OR2L13: variants seen among roughly 807,000 people sequenced by gnomAD.
The protein encoded by OR2L13 is olfactory receptor family 2 subfamily L member 13, also known as olfactory receptor 2L13.
A neutral mutation model predicts 15.3 loss-of-function variants in OR2L13; 14 were observed. The observed-to-expected ratio is 0.91, with a 90% CI of 0.60 to 1.43. OR2L13 has a LOEUF of 1.43. Ranked by LOEUF, OR2L13 falls within the 40% of genes most tolerant of loss-of-function variation. The probability of loss-of-function intolerance (pLI) is 0.00; values close to 1 mark genes in which losing one functional copy is unlikely to be tolerated. For missense variants in OR2L13, 367 were observed against 387.9 expected, an observed-to-expected ratio of 0.95 and a Z score of 0.45; for synonymous variants, 152 against 142.9, an observed-to-expected ratio of 1.06 and a Z score of -0.45.
chr1:248,079,342 CA>C, the OR2L13 span, among the ~76,000 whole-genome samples: 1 of 151,690 alleles, frequency 6.6e-6, no homozygotes, highest in Non-Finnish European at 1.5e-5. Context: ...AATAATAAAG[CA>C]AAAAAGTTAT....
chr1:248,061,791 C>A, the OR2L13 span: 1 of 494,210 alleles, frequency 2.0e-6, no homozygotes, highest in Non-Finnish European at 3.4e-6. Context: ...GTATATATAA[C>A]TCCAAACAAC....
At chr1:248,069,809 G>C in the OR2L13 span, among the ~76,000 whole-genome samples, 4 of 151,992 alleles carry the variant, frequency 2.6e-5, no homozygotes, top group African/African-American at 9.7e-5. Flanking sequence ...AACAAAAAAA[G>C]GCAGGGGTTG....
chr1:248,016,039 A>G, the OR2L13 span, among the ~76,000 whole-genome samples: 1 of 152,208 alleles, frequency 6.6e-6, no homozygotes, highest in Non-Finnish European at 1.5e-5. Flanking sequence ...CCTGTGATTC[A>G]GCTATTCTTC....
the OR2L13 span, among the ~76,000 whole-genome samples, chr1:248,012,198 G>T: frequency 2.0e-5 from 3 of 152,118 alleles, no homozygotes; most frequent in African/African-American, 7.2e-5. Context: ...AGGGAGAACA[G>T]GGGTATTTCA....
At chr1:247,971,440 G>A in the OR2L13 span, among the ~76,000 whole-genome samples, 3 of 152,120 alleles carry the variant, frequency 2.0e-5, no homozygotes, top group African/African-American at 7.2e-5. Context: ...CAGCCAATTT[G>A]TTATAGTTTA....
At chr1:247,998,875 C>A in the OR2L13 span, among the ~76,000 whole-genome samples, 855 of 151,976 alleles carry the variant, frequency 5.6e-3, 12 homozygotes, top group African/African-American at 0.019. Flanking sequence ...GAAATATCTG[C>A]CTTAACAACC....
chr1:248,089,693 T>G, the OR2L13 span, among the ~76,000 whole-genome samples: 29 of 152,152 alleles, frequency 1.9e-4, no homozygotes, highest in Admixed American at 1.9e-3. Flanking sequence ...CCTGAGTTGT[T>G]TTTCAGAAAC....
the OR2L13 span, chr1:248,039,407 G>A: frequency 1.0e-5 from 4 of 401,388 alleles, no homozygotes; most frequent in Non-Finnish European, 1.3e-5. Context: ...TTGTTTGTGT[G>A]TGGTTTTTGT....
At chr1:247,971,611 G>A in the OR2L13 span, among the ~76,000 whole-genome samples, 1 of 152,038 alleles carries the variant, frequency 6.6e-6, no homozygotes, top group African/African-American at 2.4e-5. Context: ...GTGTAAGAAA[G>A]GGGTCCAGTT....
the OR2L13 span, among the ~76,000 whole-genome samples, chr1:247,948,009 G>A: frequency 0.024 from 3,701 of 152,198 alleles, 58 homozygotes; most frequent in East Asian, 0.036. Context: ...GAGGCCGAGG[G>A]TTCAAAACCA....
chr1:247,977,733 T>C, the OR2L13 span, among the ~76,000 whole-genome samples: 119 of 152,316 alleles, frequency 7.8e-4, no homozygotes, highest in African/African-American at 2.7e-3. Context: ...TCTTTAGATA[T>C]CATCTTTAAT....
At chr1:248,068,259 G>C in the OR2L13 span, among the ~76,000 whole-genome samples, 277 of 151,342 alleles carry the variant, frequency 1.8e-3, 2 homozygotes, top group South Asian at 4.4e-3. Context: ...AGTAGGGGCA[G>C]ACTGACACCT....
chr1:248,065,065 T>C, the OR2L13 span, among the ~76,000 whole-genome samples: 1 of 152,244 alleles, frequency 6.6e-6, no homozygotes, highest in Non-Finnish European at 1.5e-5. Flanking sequence ...ACATTGTTTA[T>C]GAGAATGTAG....
chr1:248,029,442 AAATTT>A, the OR2L13 span, among the ~76,000 whole-genome samples: 5,429 of 152,176 alleles, frequency 0.036, 324 homozygotes, highest in African/African-American at 0.12. Flanking sequence ...TACTGAATAA[AAATTT>A]AATTAAATTA....
chr1:248,070,203 A>T, the OR2L13 span, among the ~76,000 whole-genome samples: 4 of 152,214 alleles, frequency 2.6e-5, no homozygotes, highest in African/African-American at 4.8e-5. Context: ...CGCCTATTCC[A>T]AAATTGACCA....
At chr1:248,001,286 G>A in the OR2L13 span, among the ~76,000 whole-genome samples, 1 of 151,988 alleles carries the variant, frequency 6.6e-6, no homozygotes, top group Non-Finnish European at 1.5e-5. Context: ...AATATGTGGA[G>A]AGAGTCTGTG....
At chr1:248,048,898 G>A in the OR2L13 span, among the ~76,000 whole-genome samples, 2 of 148,874 alleles carry the variant, frequency 1.3e-5, no homozygotes, top group African/African-American at 5.0e-5. Flanking sequence ...TGCCTCCCCA[G>A]CTTTTTCTTT....
chr1:248,094,230 G>GA (rs1297322675), upstream of OR2L13, among the ~76,000 whole-genome samples: 3 of 151,466 alleles, frequency 2.0e-5, no homozygotes, highest in Non-Finnish European at 2.9e-5. Context: ...AAAATTAAAG[G>GA]AAAAAAACAA....
chr1:247,976,004 ATTAT>A, the OR2L13 span, among the ~76,000 whole-genome samples: 2 of 152,208 alleles, frequency 1.3e-5, no homozygotes, highest in Non-Finnish European at 2.9e-5. Flanking sequence ...AAAATAATAA[ATTAT>A]TTAAGATTAC....
Sources: allele counts gnomAD v4.1 joint callset (sites outside exome capture counted in the v4.1 genomes callset), GRCh38; gene constraint gnomAD v4.1.1; transcripts MANE v1.5; gene names NCBI Gene and HGNC (gene_info 2026-07-23, HGNC 2026-07-21).